The following PRP4K variants were observed in gnomAD, a reference collection of about 807,000 sequenced individuals.
PRP4K encodes serine/threonine-protein kinase PRP4 homolog.
the PRP4K span, chr6:4,049,937 A>G: frequency 6.5e-7 from 1 of 1,532,424 alleles, no homozygotes; most frequent in Non-Finnish European, 8.8e-7. Context: ...AGAAGAACAT[A>G]TTTTTAAACT....
chr6:4,046,999 G>T, the PRP4K span, among the ~76,000 whole-genome samples: 1 of 152,150 alleles, frequency 6.6e-6, no homozygotes, highest in East Asian at 1.9e-4. Flanking sequence ...ACTAAAAAGT[G>T]AATACCTTTA....
chr6:4,048,240 G>T, the PRP4K span, among the ~76,000 whole-genome samples: 2 of 152,026 alleles, frequency 1.3e-5, no homozygotes, highest in African/African-American at 4.8e-5. Flanking sequence ...TAAGCCGGAC[G>T]TGGTGGCGGG....
At chr6:4,053,442 C>T in the PRP4K span, among the ~76,000 whole-genome samples, 1 of 152,126 alleles carries the variant, frequency 6.6e-6, no homozygotes, top group Non-Finnish European at 1.5e-5. Flanking sequence ...CTGATCCTCT[C>T]CCATCTCTCA....
At chr6:4,033,316 ATC>A in the PRP4K span, among the ~76,000 whole-genome samples, 8 of 152,182 alleles carry the variant, frequency 5.3e-5, no homozygotes, top group Non-Finnish European at 1.0e-4. Context: ...GAAAAGTAGT[ATC>A]TCTTAAGCTT....
At chr6:4,024,728 G>A in the PRP4K span, among the ~76,000 whole-genome samples, 3 of 151,972 alleles carry the variant, frequency 2.0e-5, no homozygotes, top group Non-Finnish European at 2.9e-5. Context: ...TCTGTCTCCC[G>A]AGTAGCTGGG....
At chr6:4,062,964 A>G in the PRP4K span, 1 of 152,496 alleles carries the variant, frequency 6.6e-6, no homozygotes, top group Non-Finnish European at 1.5e-5. This position sits in a 1 kb window ranked among gnomAD's most constrained non-coding sequence, Gnocchi z 4.2. Context: ...GCTTCATTTT[A>G]TGTAATTTTT....
At chr6:4,048,117 G>A in the PRP4K span, among the ~76,000 whole-genome samples, 2 of 152,188 alleles carry the variant, frequency 1.3e-5, no homozygotes, top group African/African-American at 2.4e-5. Context: ...GGTGGCTCAC[G>A]CCTGTAATCC....
chr6:4,025,785 A>G, the PRP4K span, among the ~76,000 whole-genome samples: 4 of 152,216 alleles, frequency 2.6e-5, no homozygotes, highest in Non-Finnish European at 1.5e-5. Context: ...TTAGCATTAG[A>G]AAAGATAAGG....
the PRP4K span, among the ~76,000 whole-genome samples, chr6:4,053,767 G>T: frequency 1.3e-5 from 2 of 152,064 alleles, no homozygotes; most frequent in East Asian, 1.9e-4. Context: ...TTTAAAATGG[G>T]TTCTCTTTAT....
the PRP4K span, among the ~76,000 whole-genome samples, chr6:4,059,050 ATCT>A: frequency 1.3e-5 from 2 of 152,122 alleles, no homozygotes; most frequent in Non-Finnish European, 2.9e-5. Context: ...CCCTCGTCAC[ATCT>A]TCTTTGGATT....
the PRP4K span, among the ~76,000 whole-genome samples, chr6:4,055,360 A>C: frequency 2.0e-5 from 3 of 152,238 alleles, no homozygotes; most frequent in Admixed American, 2.0e-4. Flanking sequence ...CAAGATGAAA[A>C]GAATAGTAAT....
chr6:4,052,106 A>T, the PRP4K span: 1 of 1,552,600 alleles, frequency 6.4e-7, no homozygotes, highest in Non-Finnish European at 8.7e-7. Context: ...TACAATGTCA[A>T]AACGTGTGCA....
chr6:4,026,814 T>C, the PRP4K span, among the ~76,000 whole-genome samples: 1 of 152,258 alleles, frequency 6.6e-6, no homozygotes, highest in East Asian at 1.9e-4. Context: ...AAGGAGAATA[T>C]GTGTGCAGTG....
chr6:4,040,710 T>C, the PRP4K span: 5 of 1,524,638 alleles, frequency 3.3e-6, no homozygotes, highest in Non-Finnish European at 4.5e-6. Context: ...TGCCCACACA[T>C]GCATGCCTTT....
At chr6:4,064,112 T>A in the PRP4K span, 1 of 152,308 alleles carries the variant, frequency 6.6e-6, no homozygotes, top group East Asian at 1.9e-4. Flanking sequence ...TATTCACCCT[T>A]AAATCGTTAT....
the PRP4K span, chr6:4,062,597 A>C: frequency 6.6e-6 from 1 of 152,620 alleles, no homozygotes; most frequent in Non-Finnish European, 1.5e-5. The surrounding 1 kb of genome is among the most constrained non-coding windows in gnomAD (Gnocchi z 4.2). Context: ...GGTGCATTCA[A>C]GAATGGAAAA....
At chr6:4,056,572 ATCC>A in the PRP4K span, 9 of 1,596,898 alleles carry the variant, frequency 5.6e-6, no homozygotes, top group East Asian at 4.5e-5. Context: ...TAGCAAGTTC[ATCC>A]TCCTCAGGTG....
chr6:4,032,485 A>G, the PRP4K span: 3 of 1,614,168 alleles, frequency 1.9e-6, no homozygotes, highest in Non-Finnish European at 2.5e-6. Context: ...GATAAAGAAA[A>G]GAAGCCAATT....
At chr6:4,035,340 T>C in the PRP4K span, among the ~76,000 whole-genome samples, 5,756 of 124,720 alleles carry the variant, frequency 0.046, 434 homozygotes, top group African/African-American at 0.16. Flanking sequence ...AGAGATGAGG[T>C]TTCCCCACGT....
Sources: allele counts gnomAD v4.1 joint callset (sites outside exome capture counted in the v4.1 genomes callset), GRCh38; gene constraint gnomAD v4.1.1; non-coding constraint Gnocchi (gnomAD v3.1); transcripts MANE v1.5; gene names NCBI Gene and HGNC (gene_info 2026-07-23, HGNC 2026-07-21).